Variants in TUT4 observed in about 807,000 individuals in gnomAD.
The protein encoded by TUT4 is terminal uridylyl transferase 4, also known as terminal uridylyltransferase 4.
A neutral mutation model predicts 192.2 loss-of-function variants in TUT4; 36 were observed. That is an observed-to-expected ratio of 0.19 (90% confidence interval 0.14 to 0.25). The LOEUF is 0.25. TUT4 is among the 10% of genes least tolerant of loss of function. TUT4 has a pLI of 1.00. For missense variants in TUT4, 1,493 were observed against 1,957.2 expected (o/e 0.76, Z 4.47); for synonymous variants, 618 against 666.0 (o/e 0.93, Z 1.11).
intron 20 of TUT4, among the ~76,000 whole-genome samples, chr1:52,450,562 AAAT>A (rs1199396999): frequency 1.3e-5 from 2 of 152,170 alleles, no homozygotes; most frequent in East Asian, 1.9e-4. Flanking sequence ...ATAATAGTAA[AAAT>A]AATAATAAAA....
chr1:52,476,393 C>T (rs941536039), intron 12 of TUT4, among the ~76,000 whole-genome samples: 3 of 152,138 alleles, frequency 2.0e-5, no homozygotes, highest in Non-Finnish European at 2.9e-5. Context: ...GACACAGCTG[C>T]ATCCTTATTA....
chr1:52,473,051 T>C (rs1666194045), intron 13 of TUT4, among the ~76,000 whole-genome samples: 1 of 152,066 alleles, frequency 6.6e-6, no homozygotes, highest in African/African-American at 2.4e-5. Context: ...CTTTAAATAG[T>C]AAAAATGAAA....
At chr1:52,519,463 T>C (rs1237115476) in intron 2 of TUT4, among the ~76,000 whole-genome samples, 1 of 152,122 alleles carries the variant, frequency 6.6e-6, no homozygotes, top group Admixed American at 6.5e-5. Context: ...ATTTTGTGAA[T>C]ATAATAAAAA....
intron 1 of TUT4, among the ~76,000 whole-genome samples, chr1:52,551,173 T>C (rs1558048164): frequency 6.6e-6 from 1 of 152,226 alleles, no homozygotes; most frequent in Non-Finnish European, 1.5e-5. Context: ...AAACTTGAAC[T>C]TATATGCATG....
At chr1:52,433,684 G>C (rs928067987) in intron 27 of TUT4, 1 of 152,186 alleles carries the variant, frequency 6.6e-6, no homozygotes, top group Non-Finnish European at 1.5e-5. Flanking sequence ...AAGTTTTGCT[G>C]ACAGAGAGCC....
chr1:52,451,895 A>G (rs1436216235), intron 20 of TUT4, among the ~76,000 whole-genome samples: 1 of 151,984 alleles, frequency 6.6e-6, no homozygotes, highest in Non-Finnish European at 1.5e-5. Context: ...AGAAACAGAA[A>G]ATCTGAATGG....
intron 28 of TUT4, among the ~76,000 whole-genome samples, chr1:52,426,878 A>G (rs997488872): frequency 1.2e-4 from 18 of 152,138 alleles, no homozygotes; most frequent in Non-Finnish European, 2.2e-4. Flanking sequence ...AAAATGGGGG[A>G]AAAAAACTCA....
chr1:52,514,211 T>C (rs1277157995), intron 3 of TUT4, among the ~76,000 whole-genome samples: 6 of 151,906 alleles, frequency 3.9e-5, no homozygotes, highest in African/African-American at 1.5e-4. Flanking sequence ...GAGGCCAGGG[T>C]GGGTGGATCA....
At chr1:52,512,908 A>AC (rs201558150) in intron 3 of TUT4, among the ~76,000 whole-genome samples, 13,195 of 151,786 alleles carry the variant, frequency 0.087, 725 homozygotes, top group East Asian at 0.2. Context: ...TAAAAAAAAA[A>AC]CAAAAACCTG....
At chr1:52,516,117 G>GTTTTCCATTAA in intron 2 of TUT4, 63 bp from the exon 3 acceptor site, 1 of 1,259,548 alleles carries the variant, frequency 7.9e-7, no homozygotes, top group Non-Finnish European at 1.1e-6. Flanking sequence ...TTTTTTAATG[G>GTTTTCCATTAA]AAAACAGACA....
chr1:52,469,010 A>G (rs1392749000), intron 14 of TUT4, among the ~76,000 whole-genome samples: 1 of 151,154 alleles, frequency 6.6e-6, no homozygotes, highest in Non-Finnish European at 1.5e-5. Flanking sequence ...AAACAAATGC[A>G]GTTATCAGTG....
At chr1:52,498,196 T>C (rs1672922994) in intron 4 of TUT4, among the ~76,000 whole-genome samples, 1 of 151,722 alleles carries the variant, frequency 6.6e-6, no homozygotes, top group African/African-American at 2.4e-5. Context: ...TTCTTAATTA[T>C]AATCTAAGTA....
rs924928244 is a variant in TUT4 at position 52,500,488 on chromosome 1, C to T, written c.1000-3305G>A. Among the ~76,000 whole-genome samples the T allele has an allele frequency of 2.0e-5, 3 of 152,056 alleles. No individual in the cohort carries two copies. In the East Asian group the frequency reaches 5.9e-4, roughly 30 times the overall value. On this transcript the variant is annotated intron_variant, in intron 4 of 29. Coordinates refer to ENST00000257177, the MANE Select transcript of TUT4 (RefSeq NM_001009881.3). Reference sequence around the variant, plus strand: ...TACAAAAATAAAAAATTAGGCCAGGCACGGTGGCTCACGCCTGTAATCCCA... The same window carrying T: ...TACAAAAATAAAAAATTAGGCCAGGTACGGTGGCTCACGCCTGTAATCCCA...
chr1:52,452,559 C>G (rs1316515118), intron 20 of TUT4, among the ~76,000 whole-genome samples: 1 of 152,092 alleles, frequency 6.6e-6, no homozygotes, highest in Non-Finnish European at 1.5e-5. Flanking sequence ...TTGGCTTAAT[C>G]AATCTTGCAT....
chr1:52,485,158 C>T (rs2149012541), intron 9 of TUT4, among the ~76,000 whole-genome samples: 1 of 152,284 alleles, frequency 6.6e-6, no homozygotes, highest in African/African-American at 2.4e-5. Flanking sequence ...TTGCTTTCAT[C>T]TTTCAATAAT....
At chr1:52,522,490 A>G (rs1374492802) in intron 2 of TUT4, among the ~76,000 whole-genome samples, 2 of 152,244 alleles carry the variant, frequency 1.3e-5, no homozygotes, top group Non-Finnish European at 2.9e-5. Context: ...ATGAGAAAAC[A>G]TATTTTTCAG....
chr1:52,461,482 G>A, intron 18 of TUT4, 31 bp downstream of exon 18: 1 of 1,575,062 alleles, frequency 6.3e-7, no homozygotes, highest in Non-Finnish European at 8.7e-7. Flanking sequence ...AAAATGAAAA[G>A]TATATACATG....
At chr1:52,551,780 C>T (rs1012791819) in intron 1 of TUT4, among the ~76,000 whole-genome samples, 1 of 151,418 alleles carries the variant, frequency 6.6e-6, no homozygotes, top group Non-Finnish European at 1.5e-5. Flanking sequence ...TCTGAATTAT[C>T]ATATCTGGCT....
rs749182458 is a variant in TUT4, at chr1:52,425,396, T to G, written c.4823A>C (p.His1608Pro). 6.2e-7 allele frequency: 1 copy of G among 1,614,016 alleles called. No individual in the cohort carries two copies. The highest frequency in any genetic ancestry group is 2.2e-5 in the East Asian group (1 of 44,878). ...WPYGLHQNFM[H>P]QGNARFQPNK... ...GGGCTGGAATCGGGCATTTCCCTGA[T>G]GCATGAAGTTTTGATGCAAACCATA... The change falls in exon 29 of 30, where the codon CAT becomes CCT. Residue 1608 changes from histidine (H) to proline (P), a missense_variant. Around this residue, in one of 7 missense-constraint regions of TUT4, gnomAD observed 351 missense variants for 397.8 expected, o/e 0.88. Transcript: ENST00000257177.
Sources: allele counts gnomAD v4.1 joint callset (sites outside exome capture counted in the v4.1 genomes callset), GRCh38; gene constraint gnomAD v4.1.1; regional missense constraint gnomAD v4.1.1; transcripts MANE v1.5; gene names NCBI Gene and HGNC (gene_info 2026-07-23, HGNC 2026-07-21).